Variants in CSMD3 observed in about 807,000 individuals in gnomAD.
The protein encoded by CSMD3 is CUB and sushi domain-containing protein 3.
Under a neutral mutation model 435.2 loss-of-function variants are expected in CSMD3, and 177 were observed. The ratio of observed to expected loss-of-function variants is 0.41; its 90% CI spans 0.36 to 0.46. CSMD3 has a LOEUF of 0.46. Ranked by LOEUF, CSMD3 falls within the 20% of genes least tolerant of loss-of-function variation. The pLI is 0.34. For synonymous variants in CSMD3, 1,656 were observed against 1,520.5 expected (o/e 1.09, Z -2.07); for missense variants, 4,265 against 4,504.6 (o/e 0.95, Z 1.52).
At chr8:112,610,020 G>T (rs1188508651) in intron 22 of CSMD3, among the ~76,000 whole-genome samples, 1 of 152,030 alleles carries the variant, frequency 6.6e-6, no homozygotes, top group African/African-American at 2.4e-5. Flanking sequence ...GTGGGGGGTA[G>T]GGGAAATGGT....
At chr8:112,246,692 G>A (rs1042449092) in intron 64 of CSMD3, among the ~76,000 whole-genome samples, 1 of 152,030 alleles carries the variant, frequency 6.6e-6, no homozygotes, top group Non-Finnish European at 1.5e-5. Flanking sequence ...TTGGTTCCTC[G>A]GGTATTTTAG....
Position 112,287,807 on chromosome 8 carries a change from C to T in CSMD3, c.9149-561G>A, listed in dbSNP as rs570974205. Among the ~76,000 whole-genome samples, 7 of 152,140 alleles carry T rather than the reference C, an allele frequency of 4.6e-5. No individual in the cohort carries two copies. In the South Asian group the frequency reaches 8.3e-4, roughly 18 times the overall value. ...AAAGATGAATGAACTGCATATTCCT[C>T]GTATATGAAAACATAAAAATAAAAT... On this transcript the variant is annotated intron_variant, in intron 57 of 70. Coordinates refer to ENST00000297405, the MANE Select transcript of CSMD3 (RefSeq NM_198123.2).
intron 10 of CSMD3, among the ~76,000 whole-genome samples, chr8:112,896,966 C>T (rs2130387536): frequency 6.6e-6 from 1 of 151,518 alleles, no homozygotes; most frequent in South Asian, 2.1e-4. Context: ...CCTCCTCTGG[C>T]TTTCTAATTT....
chr8:112,337,661 A>G lies in CSMD3; in HGVS notation c.6723T>C (p.Thr2241=), dbSNP rs1563808298. 3 of 1,613,484 alleles carry G rather than the reference A, an allele frequency of 1.9e-6. No individual in the cohort carries two copies. Among genetic ancestry groups the G allele is most frequent in the Non-Finnish European group, 2.5e-6 (3 of 1,179,422 alleles). The change falls in exon 43 of 71, where the codon ACT becomes ACC. Residue 2241 remains threonine (T), a synonymous_variant. Transcript: ENST00000297405. ...ATTCAAATGAAATGGTTTGACCCAC[A>G]GTAAAATCATTACCAATTACAAAAC... ...RNGFVIGNDF[T]VGQTISFECF...
At chr8:112,274,330 T>A (rs1173554920) in intron 59 of CSMD3, among the ~76,000 whole-genome samples, 2 of 152,198 alleles carry the variant, frequency 1.3e-5, no homozygotes, top group African/African-American at 4.8e-5. Flanking sequence ...GATTGCCTCA[T>A]CTTACTACAT....
At chr8:112,277,194 C>T (rs1380879470) in intron 59 of CSMD3, among the ~76,000 whole-genome samples, 1 of 152,130 alleles carries the variant, frequency 6.6e-6, no homozygotes, top group African/African-American at 2.4e-5. Context: ...TATTCTATTT[C>T]CCTTTTAAAA....
At chr8:113,365,337 T>A (rs2094304381) in intron 1 of CSMD3, among the ~76,000 whole-genome samples, 1 of 152,066 alleles carries the variant, frequency 6.6e-6, no homozygotes, top group Admixed American at 6.6e-5. Flanking sequence ...AATAGCTATA[T>A]CTAAAATAAT....
chr8:113,204,714 A>G lies in CSMD3; in HGVS notation c.515-30798T>C, dbSNP rs965555388. On this transcript the variant is annotated intron_variant, in intron 3 of 70. Transcript: ENST00000297405. ...ATTTCATATGGTATTTTTACTATAC[A>G]TTTTCTATGTTTAGATGTACATGTA... 1.4e-4 allele frequency among the ~76,000 whole-genome samples: 22 copies of G among 152,122 alleles called. 1 individual carries two copies. The highest frequency in any genetic ancestry group is 2.0e-4 in the Admixed American group (3 of 15,258).
chr8:112,556,635 T>G, intron 25 of CSMD3, 128 bp downstream of exon 25: 1 of 692,714 alleles, frequency 1.4e-6, no homozygotes, highest in Non-Finnish European at 2.5e-6. Flanking sequence ...AAATTCAAGC[T>G]ATGAGTTCAT....
intron 4 of CSMD3, among the ~76,000 whole-genome samples, chr8:113,126,011 T>A (rs2091115027): frequency 6.6e-6 from 1 of 151,998 alleles, no homozygotes; most frequent in African/African-American, 2.4e-5. Context: ...AAGAAAAACT[T>A]AAAGATGCAA....
chr8:112,282,068 A>G (rs543008096), intron 58 of CSMD3, among the ~76,000 whole-genome samples: 1 of 152,274 alleles, frequency 6.6e-6, no homozygotes, highest in African/African-American at 2.4e-5. Flanking sequence ...ATAATATATC[A>G]AACGTAATAC....
chr8:113,263,989 G>C (rs2093447981), intron 3 of CSMD3, among the ~76,000 whole-genome samples: 1 of 151,320 alleles, frequency 6.6e-6, no homozygotes, highest in Non-Finnish European at 1.5e-5. Flanking sequence ...TGCAGTATTT[G>C]ATTTGTACAT....
chr8:113,218,010 T>A (rs2092925173), intron 3 of CSMD3, among the ~76,000 whole-genome samples: 1 of 151,206 alleles, frequency 6.6e-6, no homozygotes, highest in Non-Finnish European at 1.5e-5. Context: ...GCTAAATTTT[T>A]AACAGAAGCA....
chr8:113,264,300 A>T (rs1022332925), intron 3 of CSMD3, among the ~76,000 whole-genome samples: 3 of 151,408 alleles, frequency 2.0e-5, no homozygotes, highest in Non-Finnish European at 4.4e-5. Flanking sequence ...TTTTACATAT[A>T]ATTAGAATCT....
At chr8:113,213,651 G>A (rs1293660446) in intron 3 of CSMD3, among the ~76,000 whole-genome samples, 2 of 151,746 alleles carry the variant, frequency 1.3e-5, no homozygotes, top group East Asian at 1.9e-4. Flanking sequence ...TGAAGATTAA[G>A]TCTAAGTATA....
intron 10 of CSMD3, among the ~76,000 whole-genome samples, chr8:112,882,401 A>G (rs1159539402): frequency 6.6e-6 from 1 of 152,006 alleles, no homozygotes. Context: ...ACTGAGCATG[A>G]CAATGCATAA....
chr8:112,945,683 AAACAT>A (rs1427334608), intron 9 of CSMD3, among the ~76,000 whole-genome samples: 1 of 151,550 alleles, frequency 6.6e-6, no homozygotes, highest in African/African-American at 2.4e-5. Flanking sequence ...ATTTAAAACA[AAACAT>A]ATCTTCAGTC....
chr8:112,729,991 G>A (rs904070808), intron 13 of CSMD3, among the ~76,000 whole-genome samples: 1 of 152,064 alleles, frequency 6.6e-6, no homozygotes, highest in African/African-American at 2.4e-5. Context: ...TACTATTGAA[G>A]TATTAAATTA....
intron 5 of CSMD3, among the ~76,000 whole-genome samples, chr8:113,083,640 T>C (rs949987783): frequency 6.6e-6 from 1 of 151,766 alleles, no homozygotes; most frequent in African/African-American, 2.4e-5. Flanking sequence ...AAGAAACAAA[T>C]AATATACAAA....
Sources: gnomAD v4.1 joint callset for allele counts (sites outside exome capture counted in the v4.1 genomes callset) on GRCh38, gnomAD v4.1.1 for gene constraint, MANE v1.5 for transcripts, NCBI Gene and HGNC (gene_info 2026-07-23, HGNC 2026-07-21) for gene names.